The following WDR70 variants were observed in gnomAD, a reference collection of about 807,000 sequenced individuals.
WDR70 encodes WD repeat-containing protein 70.
WDR70 carries 53 observed loss-of-function variants against 88.6 expected under a neutral mutation model. The ratio of observed to expected loss-of-function variants is 0.60; its 90% CI spans 0.48 to 0.75. The LOEUF (loss-of-function observed/expected upper bound fraction) is 0.75. Among genes scored for constraint, WDR70 ranks in the 30% least tolerant of loss-of-function variants. The pLI, the probability that WDR70 is intolerant of heterozygous loss-of-function variation, is 0.00. For missense variants in WDR70, 610 were observed against 823.2 expected, an observed-to-expected ratio of 0.74 and a Z score of 3.17; for synonymous variants, 280 against 270.0, an observed-to-expected ratio of 1.04 and a Z score of -0.36.
intron 5 of WDR70, among the ~76,000 whole-genome samples, chr5:37,416,542 T>C (rs191824319): frequency 4.9e-5 from 7 of 143,746 alleles, no homozygotes; most frequent in Admixed American, 4.8e-4. Context: ...GAGAGGGAGA[T>C]CGTGGGGAGA....
chr5:37,711,497 T>C (rs182622515), intron 13 of WDR70, among the ~76,000 whole-genome samples: 2 of 152,362 alleles, frequency 1.3e-5, no homozygotes, highest in Admixed American at 1.3e-4. Flanking sequence ...CATCCTTTGC[T>C]CTGGTCCTCA....
chr5:37,565,739 T>C (rs1313110253), intron 9 of WDR70, among the ~76,000 whole-genome samples: 1 of 152,126 alleles, frequency 6.6e-6, no homozygotes, highest in Admixed American at 6.5e-5. Flanking sequence ...TTGTTTAGTG[T>C]CATTTCTATG....
intron 10 of WDR70, among the ~76,000 whole-genome samples, chr5:37,666,130 C>T (rs541435266): frequency 5.3e-5 from 8 of 152,334 alleles, no homozygotes; most frequent in African/African-American, 7.2e-5. Context: ...CTTTCCCTCC[C>T]GTCTAGGCAG....
chr5:37,523,180 T>A (rs189874861), intron 9 of WDR70, among the ~76,000 whole-genome samples: 1 of 152,204 alleles, frequency 6.6e-6, no homozygotes, highest in Non-Finnish European at 1.5e-5. Context: ...ACAGACTGCC[T>A]CCTCAAGAGG....
chr5:37,538,230 C>T (rs960740211), intron 9 of WDR70, among the ~76,000 whole-genome samples: 1 of 152,146 alleles, frequency 6.6e-6, no homozygotes, highest in Non-Finnish European at 1.5e-5. Context: ...TTCTATCTCT[C>T]CTCTCCTGCC....
At chr5:37,475,444 G>T (rs1307360791) in intron 7 of WDR70, among the ~76,000 whole-genome samples, 1 of 151,774 alleles carries the variant, frequency 6.6e-6, no homozygotes, top group Admixed American at 6.6e-5. Context: ...CTCCATGTTG[G>T]TCAGGCTGGT....
chr5:37,721,657 C>T (rs564303497), intron 14 of WDR70: 58 of 163,410 alleles, frequency 3.5e-4, no homozygotes, highest in Non-Finnish European at 5.1e-4. Flanking sequence ...ATTCTCTGTC[C>T]GCAGAAAGGG....
intron 3 of WDR70, among the ~76,000 whole-genome samples, chr5:37,390,651 T>C (rs182314735): frequency 4.6e-5 from 7 of 151,408 alleles, no homozygotes; most frequent in Non-Finnish European, 8.8e-5. Flanking sequence ...GTATAAATTT[T>C]ATTATGATTT....
chr5:37,689,615 G>A (rs1746723091), intron 10 of WDR70, among the ~76,000 whole-genome samples: 1 of 152,122 alleles, frequency 6.6e-6, no homozygotes, highest in South Asian at 2.1e-4. Flanking sequence ...TGCAGCTGAG[G>A]GACCTGACTG....
chr5:37,544,294 G>A (rs369036321), intron 9 of WDR70, among the ~76,000 whole-genome samples: 1 of 152,118 alleles, frequency 6.6e-6, no homozygotes, highest in Admixed American at 6.5e-5. Flanking sequence ...CAAAGAGTAA[G>A]TACATTAAAC....
chr5:37,683,705 G>GT (rs1191042454), intron 10 of WDR70, among the ~76,000 whole-genome samples: 2 of 152,142 alleles, frequency 1.3e-5, no homozygotes, highest in Non-Finnish European at 2.9e-5. Flanking sequence ...TCTGCTGAGA[G>GT]GTCCACTCTT....
At chr5:37,661,670 G>A (rs755920065) in intron 10 of WDR70, among the ~76,000 whole-genome samples, 11 of 152,178 alleles carry the variant, frequency 7.2e-5, no homozygotes, top group Non-Finnish European at 1.5e-4. Flanking sequence ...ATAGAGGATG[G>A]AAGTGAGGTT....
At chr5:37,749,847 A>G (rs1375791882) in intron 17 of WDR70, among the ~76,000 whole-genome samples, 3 of 151,876 alleles carry the variant, frequency 2.0e-5, no homozygotes, top group Non-Finnish European at 4.4e-5. Flanking sequence ...AAAACCAAAA[A>G]CGCAGTATCT....
At chr5:37,722,287 T>A (rs889893824) in intron 14 of WDR70, 6 of 152,282 alleles carry the variant, frequency 3.9e-5, no homozygotes, top group Admixed American at 2.0e-4. Flanking sequence ...TACTTATTTG[T>A]ATTTGCTTCT....
intron 9 of WDR70, among the ~76,000 whole-genome samples, chr5:37,583,889 T>C (rs1366086596): frequency 6.6e-6 from 1 of 152,170 alleles, no homozygotes; most frequent in Non-Finnish European, 1.5e-5. Flanking sequence ...TATGGAAAAT[T>C]TGCAGTATTC....
chr5:37,494,086 T>C (rs1740146645), intron 8 of WDR70, among the ~76,000 whole-genome samples: 1 of 152,176 alleles, frequency 6.6e-6, no homozygotes. Context: ...CCCAAAGTGC[T>C]GGGATTACAG....
chr5:37,408,678 T>G (rs1749428789), intron 5 of WDR70, among the ~76,000 whole-genome samples: 1 of 152,210 alleles, frequency 6.6e-6, no homozygotes, highest in East Asian at 1.9e-4. Flanking sequence ...ATTCAATATT[T>G]GTTGCTTTCA....
At chr5:37,682,824 A>G (rs1160828348) in intron 10 of WDR70, among the ~76,000 whole-genome samples, 1 of 152,060 alleles carries the variant, frequency 6.6e-6, no homozygotes, top group African/African-American at 2.4e-5. Flanking sequence ...TTTGCTGAGG[A>G]GTGTTCTATA....
Position 37,483,747 on chromosome 5 carries a change from G to A in WDR70, c.840+3760G>A, listed in dbSNP as rs1221270277. Among the ~76,000 whole-genome samples, 7 of 149,792 alleles carry A rather than the reference G, an allele frequency of 4.7e-5. No homozygotes were observed. In the South Asian group the frequency reaches 1.1e-3, roughly 23 times the overall value. On this transcript the variant is annotated intron_variant, in intron 8 of 17. Coordinates refer to ENST00000265107, the MANE Select transcript of WDR70 (RefSeq NM_018034.4). Reference sequence around the variant, plus strand: ...AGGAGGTGCCCCCCACCTCCCTCCCGGACGGGGCGGCTGGCCGGGCGGGGG... The same window carrying A: ...AGGAGGTGCCCCCCACCTCCCTCCCAGACGGGGCGGCTGGCCGGGCGGGGG...
Sources: allele counts gnomAD v4.1 joint callset (sites outside exome capture counted in the v4.1 genomes callset), GRCh38; gene constraint gnomAD v4.1.1; transcripts MANE v1.5; gene names NCBI Gene and HGNC (gene_info 2026-07-23, HGNC 2026-07-21).